Variants in RUFY3 observed in about 807,000 individuals in gnomAD.
RUFY3 encodes protein RUFY3.
In RUFY3, 34 loss-of-function variants were observed where a neutral mutation model predicts 84.0. That is an observed-to-expected ratio of 0.40 (90% confidence interval 0.31 to 0.54). RUFY3 has a LOEUF of 0.54. Among genes scored for constraint, RUFY3 ranks in the 20% least tolerant of loss-of-function variants. The pLI is 0.39. For synonymous variants in RUFY3, 242 were observed against 252.9 expected, an observed-to-expected ratio of 0.96 and a Z score of 0.41; for missense variants, 507 against 736.8, an observed-to-expected ratio of 0.69 and a Z score of 3.61.
In RUFY3 at chr4:70,726,143, A is replaced by G. The variant is rs113203594; in HGVS notation, c.178+3392A>G. Among the ~76,000 whole-genome samples the G allele has an allele frequency of 2.7e-3, 409 of 152,306 alleles. 1 individual carries two copies. The highest frequency in any genetic ancestry group is 9.5e-3 in the African/African-American group (394 of 41,564). Reference sequence around the variant, plus strand: ...ATGACAATCTCACATTAAGGTAGCAAGAGTGAACACCAAAGGAACAATCCC... The same window carrying G: ...ATGACAATCTCACATTAAGGTAGCAGGAGTGAACACCAAAGGAACAATCCC... On this transcript the variant is annotated intron_variant, in intron 1 of 17. Coordinates refer to ENST00000381006, the MANE Select transcript of RUFY3 (RefSeq NM_001037442.4).
chr4:70,802,778 C>G (rs1369322388), intron 15 of RUFY3, 178 bp from the exon 16 acceptor site: 3 of 473,048 alleles, frequency 6.3e-6, no homozygotes, highest in South Asian at 4.4e-5. Flanking sequence ...TTTTAAGAAG[C>G]AAAGTTTCCT....
At chr4:70,795,983 T>A (rs1222856224) in intron 14 of RUFY3, among the ~76,000 whole-genome samples, 1 of 152,188 alleles carries the variant, frequency 6.6e-6, no homozygotes, top group African/African-American at 2.4e-5. Context: ...TGTTGAAGCT[T>A]TCCTGGGCAT....
At position 70,807,952 on chromosome 4, in the gene RUFY3, G is replaced by A. The variant is rs1487258632; in HGVS notation, c.*1293G>A. 1.3e-5 allele frequency among the ~76,000 whole-genome samples: 2 copies of A among 152,058 alleles called. No individual in the cohort carries two copies. Among genetic ancestry groups the A allele is most frequent in the East Asian group, 3.9e-4 (2 of 5,194 alleles). On this transcript the variant is annotated 3_prime_UTR_variant, in exon 18 of 18. Transcript: ENST00000381006. ...ACAGTCATCCCTTGGTATCCATGGG[G>A]GATTGGTTCCAGGAACCCAACTTGA...
At chr4:70,801,021 A>G (rs1364643181) in intron 15 of RUFY3, among the ~76,000 whole-genome samples, 3 of 152,194 alleles carry the variant, frequency 2.0e-5, no homozygotes, top group African/African-American at 4.8e-5. Context: ...GATGAAGAGC[A>G]TAGGATAGTT....
chr4:70,731,369 GT>G (rs1240513332), intron 1 of RUFY3, among the ~76,000 whole-genome samples: 2 of 152,068 alleles, frequency 1.3e-5, no homozygotes, highest in Non-Finnish European at 2.9e-5. Context: ...TGGAGACTGA[GT>G]TTTTTGTCCA....
intron 9 of RUFY3, among the ~76,000 whole-genome samples, chr4:70,784,029 G>C (rs1729365879): frequency 6.6e-6 from 1 of 152,218 alleles, no homozygotes. Context: ...GACAAAAGCA[G>C]TTTTCCATGA....
At chr4:70,785,407 CA>C (rs1276803120) in intron 10 of RUFY3, among the ~76,000 whole-genome samples, 1 of 151,918 alleles carries the variant, frequency 6.6e-6, no homozygotes, top group Non-Finnish European at 1.5e-5. Flanking sequence ...TCACTCTAAT[CA>C]GAATGGCAAC....
intron 1 of RUFY3, among the ~76,000 whole-genome samples, chr4:70,751,361 C>G (rs1469820737): frequency 1.3e-5 from 2 of 152,310 alleles, no homozygotes; most frequent in South Asian, 2.1e-4. Context: ...GCCAAAGCAG[C>G]TGGACCATTT....
chr4:70,741,596 T>C (rs1721326021), intron 1 of RUFY3: 6 of 1,511,844 alleles, frequency 4.0e-6, no homozygotes, highest in Non-Finnish European at 4.4e-6. Context: ...CATTTTATCT[T>C]TCTTTTCCTT....
intron 14 of RUFY3, among the ~76,000 whole-genome samples, chr4:70,796,965 CAG>C (rs952446934): frequency 1.4e-5 from 2 of 142,220 alleles, no homozygotes; most frequent in South Asian, 2.2e-4. Context: ...TTTTTTGAAA[CAG>C]AGTCTCATTC....
At position 70,764,654 on chromosome 4, in the gene RUFY3, A is replaced by G. The variant is rs1725544106; in HGVS notation, c.572+78A>G. ...TAAAGTCAAACCATATAAGTTCACT[A>G]TTTTTGTAGATCAGAAACATTTGAT... On this transcript the variant is annotated intron_variant, in intron 4 of 17. Coordinates refer to ENST00000381006, the MANE Select transcript of RUFY3 (RefSeq NM_001037442.4). The G allele has an allele frequency of 1.0e-5, 8 of 795,754 alleles. No individual in the cohort carries two copies. The South Asian group carries it at 1.0e-4, about 10-fold the overall frequency. The allele number at this position is 795,754 out of a possible 1,614,324, so 49.3% of individuals were successfully genotyped here. A position where few individuals can be genotyped will look rare whatever the true frequency, so the allele number is the denominator to read the frequency against.
intron 4 of RUFY3, among the ~76,000 whole-genome samples, 198 bp downstream of exon 4, chr4:70,764,774 G>T (rs948740828): frequency 6.6e-6 from 1 of 152,158 alleles, no homozygotes; most frequent in African/African-American, 2.4e-5. Context: ...TGTCACTGTG[G>T]CATATATTGG....
At chr4:70,747,145 A>G (rs774166747) in intron 1 of RUFY3, among the ~76,000 whole-genome samples, 1 of 152,146 alleles carries the variant, frequency 6.6e-6, no homozygotes, top group South Asian at 2.1e-4. Flanking sequence ...AAGAGAAAAA[A>G]CTTTTCCCAA....
chr4:70,802,668 A>T (rs1732372032), intron 15 of RUFY3, among the ~76,000 whole-genome samples: 1 of 152,256 alleles, frequency 6.6e-6, no homozygotes, highest in African/African-American at 2.4e-5. Flanking sequence ...ATAAATGCTA[A>T]CTATTTTGAT....
upstream of RUFY3, among the ~76,000 whole-genome samples, chr4:70,721,172 C>T (rs1014136945): frequency 7.9e-5 from 12 of 151,722 alleles, no homozygotes; most frequent in Admixed American, 4.6e-4. Flanking sequence ...ATTAGCTGGG[C>T]GTGGTGGTGG....
chr4:70,787,187 A>AAAAAAAAAAAT (rs1553920475), intron 10 of RUFY3, among the ~76,000 whole-genome samples: 2 of 81,478 alleles, frequency 2.5e-5, no homozygotes, highest in African/African-American at 1.0e-4. Flanking sequence ...AAAAAAAAAA[A>AAAAAAAAAAAT]ATATATATAT....
At chr4:70,745,393 G>A (rs549595022) in intron 1 of RUFY3, among the ~76,000 whole-genome samples, 2 of 152,056 alleles carry the variant, frequency 1.3e-5, no homozygotes, top group African/African-American at 4.8e-5. Flanking sequence ...CTAGTAATTT[G>A]TGTCTAAAAT....
chr4:70,736,049 C>T lies in RUFY3; in HGVS notation c.178+13298C>T, dbSNP rs1037881694. Among the ~76,000 whole-genome samples, 6 of 150,324 alleles carry T rather than the reference C, an allele frequency of 4.0e-5. No homozygotes were observed. The South Asian group carries it at 8.4e-4, about 21-fold the overall frequency. On this transcript the variant is annotated intron_variant, in intron 1 of 17. Coordinates refer to ENST00000381006, the MANE Select transcript of RUFY3 (RefSeq NM_001037442.4). The stretch of plus-strand genomic sequence containing the variant: ...TGGTCCCAGCTACTCAGGAGGCTGA[C>T]GTGGGAGGATGGGAAGATTACTTGA...
At chr4:70,797,478 A>G (rs992562666) in intron 14 of RUFY3, among the ~76,000 whole-genome samples, 4 of 152,168 alleles carry the variant, frequency 2.6e-5, no homozygotes, top group African/African-American at 4.8e-5. Flanking sequence ...CTGCTAATTT[A>G]CTGGCAAATA....
Sources: gnomAD v4.1 joint callset for allele counts (sites outside exome capture counted in the v4.1 genomes callset) on GRCh38, gnomAD v4.1.1 for gene constraint, MANE v1.5 for transcripts, NCBI Gene and HGNC (gene_info 2026-07-23, HGNC 2026-07-21) for gene names.